The following COG3 variants were observed in gnomAD, a reference collection of about 807,000 sequenced individuals.
COG3 encodes component of oligomeric golgi complex 3.
In COG3, 32 loss-of-function variants were observed where a neutral mutation model predicts 114.1. The ratio of observed to expected loss-of-function variants is 0.28; its 90% CI spans 0.21 to 0.38. COG3 has a LOEUF of 0.38. Ranked by LOEUF, COG3 falls within the 10% of genes least tolerant of loss-of-function variation. COG3 has a pLI of 1.00. For synonymous variants in COG3, 352 were observed against 365.7 expected (o/e 0.96, Z 0.43); for missense variants, 813 against 973.2 (o/e 0.84, Z 2.19).
chr13:45,529,584 G>C (rs1393889006), intron 20 of COG3, among the ~76,000 whole-genome samples: 1 of 151,994 alleles, frequency 6.6e-6, no homozygotes, highest in African/African-American at 2.4e-5. Flanking sequence ...CTTGGGATTA[G>C]AATTTTGTAT....
chr13:45,516,394 T>C (rs1871545669), intron 17 of COG3, 131 bp downstream of exon 17: 3 of 735,064 alleles, frequency 4.1e-6, no homozygotes, highest in Non-Finnish European at 5.9e-6. Flanking sequence ...TGTTATTTGT[T>C]CGTACTAAGC....
At chr13:45,478,935 C>A in intron 2 of COG3, 70 bp from the exon 3 acceptor site, 1 of 1,060,840 alleles carries the variant, frequency 9.4e-7, no homozygotes, top group Non-Finnish European at 1.4e-6. Flanking sequence ...TGACTTGCTG[C>A]TTAGCATGTA....
rs760085260 is a variant in COG3, at chr13:45,516,247, C to T, written c.1914C>T (p.Asp638=). ...TCACCATTAAGGAAATTTCCCTGGACCTCAAGAAAACTAGAGGTACTTTGC... is the reference window on the plus strand; with the variant it reads ...TCACCATTAAGGAAATTTCCCTGGATCTCAAGAAAACTAGAGGTACTTTGC... ...TEFTIKEISL[D]LKKTRDAAFK... is the part of the protein sequence containing the mutation. Residue 638 remains aspartate, a synonymous_variant, in exon 17 of 23, where the codon GAC becomes GAT. Coordinates refer to ENST00000349995, the MANE Select transcript of COG3 (RefSeq NM_031431.4). 9.7e-5 allele frequency: 154 copies of T among 1,587,922 alleles called. No homozygotes were observed. The highest frequency in any genetic ancestry group is 1.3e-4 in the Non-Finnish European group (147 of 1,163,364).
chr13:45,473,096 C>T (rs1885626295), intron 1 of COG3, among the ~76,000 whole-genome samples: 1 of 152,162 alleles, frequency 6.6e-6, no homozygotes, highest in African/African-American at 2.4e-5. Flanking sequence ...GTCTTGATCT[C>T]CTGACCTCGT....
chr13:45,534,853 C>G lies in COG3; in HGVS notation c.*122C>G. The G allele has an allele frequency of 1.5e-6, 2 of 1,372,538 alleles. No individual in the cohort carries two copies. The highest frequency in any genetic ancestry group is 1.9e-6 in the Non-Finnish European group (2 of 1,066,698). The allele number at this position is 1,372,538 out of a possible 1,614,324, so 85.0% of individuals were successfully genotyped here. ...CGTCCCCGAGAACCACACGAGCGTG[C>G]TGCTCAGTGCTGACTGCAGAATGAA... is the stretch of plus-strand genomic sequence containing the variant. On this transcript the variant is annotated 3_prime_UTR_variant, in exon 23 of 23. Transcript: ENST00000349995.
At chr13:45,489,780 T>C (rs1886909183) in intron 8 of COG3, among the ~76,000 whole-genome samples, 1 of 151,670 alleles carries the variant, frequency 6.6e-6, no homozygotes, top group South Asian at 2.1e-4. Context: ...CCAGAGTAAT[T>C]TGTTGGTTAG....
rs1886168202 is a variant in COG3 at position 45,480,280 on chromosome 13, T to C, written c.539T>C (p.Leu180Pro). Residue 180 changes from leucine (L) to proline (P), a missense_variant, in exon 4 of 23, where the codon CTA (leucine) becomes CCA (proline). Around this residue, in one of 2 missense-constraint regions of COG3, gnomAD observed 424 missense variants for 430.6 expected, o/e 0.98. Transcript: ENST00000349995. ...GTLHEACEQL[L>P]KEQSELVDLA... ...CTACATGAAGCCTGTGAACAGCTCC[T>C]AAAAGAACAGGTAATTTGGAGTAAG... 1 of 1,608,038 alleles carries C rather than the reference T, an allele frequency of 6.2e-7. No homozygotes were observed. Among genetic ancestry groups the C allele is most frequent in the East Asian group, 2.2e-5 (1 of 44,832 alleles).
Position 45,512,058 on chromosome 13 carries a change from A to G in COG3, c.1809+204A>G, listed in dbSNP as rs1395817656. ...CTATATAAGAGAGTCCAACTTTGCT[A>G]AAGTACCAAAAGTGGTACTTAGGTT... On this transcript the variant is annotated intron_variant, in intron 16 of 22. Coordinates refer to ENST00000349995, the MANE Select transcript of COG3 (RefSeq NM_031431.4). The G allele has an allele frequency of 8.3e-6, 4 of 481,254 alleles. No individual in the cohort carries two copies. In the Admixed American group the frequency reaches 1.4e-4, roughly 17 times the overall value. 29.8% of individuals were successfully genotyped at this position (481,254 alleles called of 1,614,324 possible).
chr13:45,516,292 G>T (rs1194681909), intron 17 of COG3, 29 bp downstream of exon 17: 2 of 1,550,090 alleles, frequency 1.3e-6, no homozygotes, highest in South Asian at 1.3e-5. Flanking sequence ...TGGCACACTT[G>T]GGTGTGTTTG....
At chr13:45,472,514 A>G (rs1475124921) in intron 1 of COG3, among the ~76,000 whole-genome samples, 1 of 152,052 alleles carries the variant, frequency 6.6e-6, no homozygotes, top group Non-Finnish European at 1.5e-5. Flanking sequence ...CTTGGATGCT[A>G]TGTTCAGTTT....
chr13:45,498,930 T>C (rs1869160600), intron 13 of COG3, among the ~76,000 whole-genome samples: 1 of 152,124 alleles, frequency 6.6e-6, no homozygotes, highest in South Asian at 2.1e-4. Flanking sequence ...CGTTCACCTT[T>C]TCCTTGCTCC....
At chr13:45,491,362 T>G (rs369292474) in intron 9 of COG3, 50 bp from the exon 10 acceptor site, 49 of 1,569,504 alleles carry the variant, frequency 3.1e-5, no homozygotes, top group Non-Finnish European at 4.2e-5. Flanking sequence ...AGATGAAATT[T>G]AGTTTACATA....
intron 19 of COG3, among the ~76,000 whole-genome samples, chr13:45,521,382 GC>G (rs1872116190): frequency 6.6e-6 from 1 of 152,172 alleles, no homozygotes; most frequent in African/African-American, 2.4e-5. Context: ...AGTCTCTGCT[GC>G]CCTTGCTCAG....
chr13:45,528,756 G>A (rs910826914), intron 20 of COG3, among the ~76,000 whole-genome samples: 7 of 152,178 alleles, frequency 4.6e-5, no homozygotes, highest in Admixed American at 3.3e-4. Context: ...TTTATTGGAT[G>A]CATCGAATAC....
At chr13:45,495,013 T>C (rs1868587481) in intron 12 of COG3, among the ~76,000 whole-genome samples, 1 of 151,410 alleles carries the variant, frequency 6.6e-6, no homozygotes, top group South Asian at 2.1e-4. Context: ...GCCCAACTAA[T>C]TTTTGTATTT....
Position 45,506,687 on chromosome 13 carries a change from G to A in COG3, c.1595-3005G>A, listed in dbSNP as rs539805064. ...CACAATGGCGATAGAACTTGGGGTGGAAAGCAAGGCTCTGAGTCAGGTAGG... is the reference window on the plus strand; with the variant it reads ...CACAATGGCGATAGAACTTGGGGTGAAAAGCAAGGCTCTGAGTCAGGTAGG... On this transcript the variant is annotated intron_variant, in intron 14 of 22. Coordinates refer to ENST00000349995, the MANE Select transcript of COG3 (RefSeq NM_031431.4). Among the ~76,000 whole-genome samples the A allele has an allele frequency of 3.9e-5, 6 of 152,310 alleles. No homozygotes were observed. In the South Asian group the frequency reaches 1.2e-3, roughly 32 times the overall value.
intron 8 of COG3, among the ~76,000 whole-genome samples, chr13:45,488,838 A>C (rs1886833282): frequency 6.6e-6 from 1 of 151,896 alleles, no homozygotes; most frequent in Admixed American, 6.6e-5. Context: ...TTCTAGAAAT[A>C]ATAATCTACT....
intron 22 of COG3, among the ~76,000 whole-genome samples, chr13:45,532,908 G>A (rs532039685): frequency 2.0e-5 from 3 of 151,722 alleles, no homozygotes; most frequent in Admixed American, 6.6e-5. Flanking sequence ...AGAAAAACGC[G>A]TGTTTTTGTG....
At chr13:45,515,720 C>A (rs760000715) in intron 16 of COG3, among the ~76,000 whole-genome samples, 3 of 152,122 alleles carry the variant, frequency 2.0e-5, no homozygotes, top group Non-Finnish European at 4.4e-5. Context: ...CCACTTTGAC[C>A]AAATAGTGAA....
Sources: gnomAD v4.1 joint callset for allele counts (sites outside exome capture counted in the v4.1 genomes callset) on GRCh38, gnomAD v4.1.1 for gene constraint, gnomAD v4.1.1 regional missense constraint, MANE v1.5 for transcripts, NCBI Gene and HGNC (gene_info 2026-07-23, HGNC 2026-07-21) for gene names.